Variants in CAST observed in about 807,000 individuals in gnomAD.
CAST encodes the protein calpastatin.
In CAST, 76 loss-of-function variants were observed where a neutral mutation model predicts 119.6. The ratio of observed to expected loss-of-function variants is 0.64; its 90% confidence interval spans 0.53 to 0.77. CAST has a LOEUF of 0.77. Among genes scored for constraint, CAST ranks in the 30% least tolerant of loss-of-function variants. CAST has a pLI of 0.00. For synonymous variants in CAST, 319 were observed against 331.6 expected (o/e 0.96, Z 0.41); for missense variants, 953 against 946.5 (o/e 1.01, Z -0.09).
intron 1 of CAST, among the ~76,000 whole-genome samples, chr5:96,671,707 A>G (rs1750099029): frequency 6.6e-6 from 1 of 152,220 alleles, no homozygotes; most frequent in South Asian, 2.1e-4. Context: ...TTTGTGGTTC[A>G]GTTCTCTTTC....
chr5:96,594,724 C>A (rs548317925), intron 1 of CAST, among the ~76,000 whole-genome samples: 1 of 152,264 alleles, frequency 6.6e-6, no homozygotes, highest in East Asian at 1.9e-4. Context: ...GTAAATCCTA[C>A]AAATGATATC....
chr5:96,018,663 T>C, the CAST span, among the ~76,000 whole-genome samples: 2 of 152,186 alleles, frequency 1.3e-5, no homozygotes, highest in Non-Finnish European at 2.9e-5. Flanking sequence ...TGAACACTTT[T>C]TCAAGTAGAG....
intron 3 of CAST, among the ~76,000 whole-genome samples, chr5:96,698,053 C>T (rs914255758): frequency 6.6e-6 from 1 of 152,228 alleles, no homozygotes; most frequent in Non-Finnish European, 1.5e-5. Context: ...ATTAGCAAAA[C>T]ACCCACCCAG....
chr5:96,225,850 T>A, the CAST span, among the ~76,000 whole-genome samples: 2 of 152,204 alleles, frequency 1.3e-5, no homozygotes, highest in African/African-American at 4.8e-5. Context: ...AATACAAATC[T>A]ATTCAGGGAG....
chr5:96,432,145 G>T, the CAST span: 3 of 1,535,178 alleles, frequency 2.0e-6, no homozygotes, highest in Non-Finnish European at 2.6e-6. Flanking sequence ...TCTCGACCCT[G>T]CAGTGGGACT....
At chr5:96,700,295 T>C (rs1180923012) in intron 3 of CAST, among the ~76,000 whole-genome samples, 1 of 152,258 alleles carries the variant, frequency 6.6e-6, no homozygotes, top group Non-Finnish European at 1.5e-5. Context: ...CCCATGGCTA[T>C]TTTCATTTAT....
intron 2 of CAST, among the ~76,000 whole-genome samples, chr5:96,694,198 T>A (rs1039226653): frequency 2.0e-5 from 3 of 152,240 alleles, no homozygotes; most frequent in African/African-American, 7.2e-5. Flanking sequence ...ATTATACATA[T>A]AAAATATTTG....
At chr5:96,577,429 CTTAT>C (rs1746692059) in intron 1 of CAST, among the ~76,000 whole-genome samples, 1 of 151,382 alleles carries the variant, frequency 6.6e-6, no homozygotes, top group Non-Finnish European at 1.5e-5. Context: ...TTGTCTGGGG[CTTAT>C]TTTTCTCTTA....
In CAST at chr5:96,740,054, C is replaced by T. The variant is rs1314116709; in HGVS notation, c.815C>T (p.Thr272Ile). ...TTGTTCCAGGATCCAATGAGTTCCACCTACATAGAGGAATTGGGTAAAAGA... is the reference window on the plus strand; with the variant it reads ...TTGTTCCAGGATCCAATGAGTTCCATCTACATAGAGGAATTGGGTAAAAGA... ...GPEVSDPMSSTYIEELGKREV... is the reference protein window; with the variant it reads ...GPEVSDPMSSIYIEELGKREV... Residue 272 changes from threonine (T) to isoleucine (I), a missense_variant, in exon 12 of 32, where the codon ACC (threonine) becomes ATC (isoleucine). Thr to Ile is a moderately conservative substitution (Grantham distance 89). Transcript: ENST00000675179. 7.6e-6 allele frequency: 12 copies of T among 1,571,042 alleles called. No homozygotes were observed. Among genetic ancestry groups the T allele is most frequent in the Non-Finnish European group, 1.0e-5 (12 of 1,147,408 alleles).
chr5:96,483,198 C>T, the CAST span, among the ~76,000 whole-genome samples: 28,819 of 152,092 alleles, frequency 0.19, 3,752 homozygotes, highest in Non-Finnish European at 0.29. Flanking sequence ...CTATGAACCT[C>T]AGGTGTGGGC....
At chr5:96,394,849 CAG>C in the CAST span, 3 of 1,613,536 alleles carry the variant, frequency 1.9e-6, no homozygotes, top group Middle Eastern at 1.7e-4. Flanking sequence ...ATGCCAAGAA[CAG>C]AGCCACACAG....
At chr5:96,323,628 A>T in the CAST span, among the ~76,000 whole-genome samples, 1 of 152,196 alleles carries the variant, frequency 6.6e-6, no homozygotes, top group Middle Eastern at 3.4e-3. Context: ...GCTTGTTGGT[A>T]TCTAGTCAAT....
the CAST span, among the ~76,000 whole-genome samples, chr5:96,320,228 C>CTTTTTTT: frequency 2.1e-5 from 2 of 97,360 alleles, no homozygotes; most frequent in Non-Finnish European, 4.1e-5. Flanking sequence ...AAGGCTTTTG[C>CTTTTTTT]TTTTTTTTTT....
the CAST span, chr5:96,393,488 A>AG: frequency 1.6e-6 from 2 of 1,266,962 alleles, no homozygotes; most frequent in East Asian, 2.4e-5. Context: ...AGAGGCAATG[A>AG]GGGGAGGGGA....
At chr5:96,093,508 C>A in the CAST span, among the ~76,000 whole-genome samples, 1 of 152,196 alleles carries the variant, frequency 6.6e-6, no homozygotes, top group South Asian at 2.1e-4. Flanking sequence ...GCCAGTCTGA[C>A]TGGAAAATAA....
intron 2 of CAST, among the ~76,000 whole-genome samples, chr5:96,683,726 A>G (rs778395873): frequency 6.6e-6 from 1 of 152,170 alleles, no homozygotes; most frequent in Non-Finnish European, 1.5e-5. Flanking sequence ...ATTTACATAG[A>G]TATTAGAATT....
chr5:96,407,608 G>C, the CAST span, among the ~76,000 whole-genome samples: 1 of 152,108 alleles, frequency 6.6e-6, no homozygotes, highest in Non-Finnish European at 1.5e-5. Context: ...TTTATCCTGA[G>C]GAAATTGTCA....
chr5:96,424,813 A>G, the CAST span, among the ~76,000 whole-genome samples: 5 of 151,922 alleles, frequency 3.3e-5, no homozygotes, highest in Non-Finnish European at 5.9e-5. Flanking sequence ...AAATACAAAA[A>G]TTAGCTGGGC....
chr5:96,406,377 C>T, the CAST span, among the ~76,000 whole-genome samples: 1 of 152,160 alleles, frequency 6.6e-6, no homozygotes, highest in African/African-American at 2.4e-5. Context: ...CCATCTACTT[C>T]CTATTATAAG....
Sources: allele counts gnomAD v4.1 joint callset (sites outside exome capture counted in the v4.1 genomes callset), GRCh38; gene constraint gnomAD v4.1.1; transcripts MANE v1.5; gene names NCBI Gene and HGNC (gene_info 2026-07-23, HGNC 2026-07-21).